The following DNAJC11 variants were observed in gnomAD, a reference collection of about 807,000 sequenced individuals.
The protein encoded by DNAJC11 is DnaJ heat shock protein family (Hsp40) member C11.
Under a neutral mutation model 78.6 loss-of-function variants are expected in DNAJC11, and 15 were observed. The observed-to-expected ratio is 0.19, with a 90% CI of 0.13 to 0.29. DNAJC11 has a LOEUF of 0.29. DNAJC11 is among the 10% of genes least tolerant of loss of function. DNAJC11 has a pLI of 1.00. For synonymous variants in DNAJC11, 292 were observed against 272.1 expected (o/e 1.07, Z -0.72); for missense variants, 547 against 709.6 (o/e 0.77, Z 2.60).
At chr1:6,674,247 A>T (rs1642425327) in intron 3 of DNAJC11, among the ~76,000 whole-genome samples, 1 of 152,150 alleles carries the variant, frequency 6.6e-6, no homozygotes. Context: ...AAAGAATAAC[A>T]GTCTCTAGAA....
rs749879028 is a variant in DNAJC11, at chr1:6,645,990, CAG to C, written c.705-14_705-13del. 5.0e-6 allele frequency: 8 copies of C among 1,613,610 alleles called. No individual in the cohort carries two copies. The South Asian group carries it at 7.7e-5, about 16-fold the overall frequency. On this transcript the variant is annotated splice_polypyrimidine_tract_variant and intron_variant, in intron 7 of 15. Coordinates refer to ENST00000377577, the MANE Select transcript of DNAJC11 (RefSeq NM_018198.4). The surrounding 1 kb of genome is among the most constrained non-coding windows in gnomAD (Gnocchi z 4.1). Reference sequence around the variant, plus strand: ...TTGTTGTCACAAAGCTGGAGAGACACAGAGACAGAATAGGTCCTGGATAGCAC... The same window carrying C: ...TTGTTGTCACAAAGCTGGAGAGACACAGACAGAATAGGTCCTGGATAGCAC...
rs888264761 is a variant in DNAJC11 at position 6,645,377 on chromosome 1, A to G, written c.895-251T>C. Among the ~76,000 whole-genome samples the G allele has an allele frequency of 4.6e-5, 7 of 152,244 alleles. No individual in the cohort carries two copies. The highest frequency in any genetic ancestry group is 1.4e-4 in the African/African-American group (6 of 41,476). ...AAAAAACTCTGGTGACACTGAGCCT[A>G]TGCTCCTAGGTGGCAGCGGCTGGTG... On this transcript the variant is annotated intron_variant, in intron 8 of 15. Coordinates refer to ENST00000377577, the MANE Select transcript of DNAJC11 (RefSeq NM_018198.4). The surrounding 1 kb of genome is among the most constrained non-coding windows in gnomAD (Gnocchi z 4.1).
At chr1:6,698,944 T>C (rs2147889417) in intron 1 of DNAJC11, among the ~76,000 whole-genome samples, 1 of 147,428 alleles carries the variant, frequency 6.8e-6, no homozygotes, top group East Asian at 2.0e-4. Flanking sequence ...TATATATAAA[T>C]ATATATATTT....
intron 10 of DNAJC11, among the ~76,000 whole-genome samples, chr1:6,643,172 C>G (rs963188458): frequency 6.6e-6 from 1 of 151,994 alleles, no homozygotes; most frequent in Admixed American, 6.6e-5. Flanking sequence ...GGGTGCCCCA[C>G]TGATGAGGTG....
intron 2 of DNAJC11, among the ~76,000 whole-genome samples, chr1:6,678,849 A>G (rs1390956399): frequency 6.6e-6 from 1 of 152,070 alleles, no homozygotes; most frequent in African/African-American, 2.4e-5. Flanking sequence ...GGGTCTCACT[A>G]TGTTGCCTAG....
intron 4 of DNAJC11, among the ~76,000 whole-genome samples, chr1:6,661,971 A>C (rs1269480878): frequency 6.6e-6 from 1 of 152,086 alleles, no homozygotes; most frequent in East Asian, 1.9e-4. Flanking sequence ...TCTCTCTGTC[A>C]CCCAGGCTGG....
chr1:6,662,351 G>C (rs1433827177), intron 4 of DNAJC11, among the ~76,000 whole-genome samples: 1 of 151,784 alleles, frequency 6.6e-6, no homozygotes, highest in East Asian at 1.9e-4. Flanking sequence ...CTGCCACCAC[G>C]CCTGGCTAAT....
At chr1:6,649,806 C>G (rs1376838197) in intron 7 of DNAJC11, among the ~76,000 whole-genome samples, 2 of 150,326 alleles carry the variant, frequency 1.3e-5, no homozygotes, top group East Asian at 3.9e-4. Flanking sequence ...CTCCTGGGTT[C>G]AAGAGATCCT....
In DNAJC11 at chr1:6,644,659, C is replaced by G; in HGVS notation, c.996G>C (p.Gly332=). The stretch of plus-strand genomic sequence containing the variant: ...TCTCAGCTCCGTACTCCACCACCGT[C>G]CCAAAGAAGCCTGCTCTGCAGGGAG... ...VKGSLKAGFF[G]TVVEYGAERK... is the part of the protein sequence containing the mutation. The change falls in exon 10 of 16, where the codon GGG becomes GGC. Residue 332 remains glycine, a synonymous_variant. Coordinates refer to ENST00000377577, the MANE Select transcript of DNAJC11 (RefSeq NM_018198.4). 3 of 1,614,146 alleles carry G rather than the reference C, an allele frequency of 1.9e-6. No individual in the cohort carries two copies. Among genetic ancestry groups the G allele is most frequent in the Non-Finnish European group, 2.5e-6 (3 of 1,179,992 alleles).
chr1:6,640,644 C>T (rs771046197), intron 10 of DNAJC11, among the ~76,000 whole-genome samples: 22 of 152,010 alleles, frequency 1.4e-4, no homozygotes, highest in Non-Finnish European at 2.8e-4. Flanking sequence ...CCAGCCTGGC[C>T]AACATGGTGA....
At chr1:6,670,962 C>T (rs988730854) in intron 3 of DNAJC11, 4 of 152,156 alleles carry the variant, frequency 2.6e-5, no homozygotes, top group Non-Finnish European at 5.9e-5. Context: ...TGTAGGTAAT[C>T]AACTATTCCA....
In DNAJC11 at chr1:6,634,619, C is replaced by CT; in HGVS notation, c.*1055dup. Reference sequence around the variant, plus strand: ...GCCCCGAGAGACAGGCCTCACGTAACTTTACTGCAGCCGAGGTCCAGGCCG... The same window carrying CT: ...GCCCCGAGAGACAGGCCTCACGTAACTTTTACTGCAGCCGAGGTCCAGGCCG... On this transcript the variant is annotated 3_prime_UTR_variant, in exon 16 of 16. Transcript: ENST00000377577. The CT allele has an allele frequency of 7.3e-7, 1 of 1,366,476 alleles. No individual in the cohort carries two copies. The highest frequency in any genetic ancestry group is 9.8e-7 in the Non-Finnish European group (1 of 1,021,844). 84.6% of individuals were successfully genotyped at this position (1,366,476 alleles called of 1,614,324 possible). A position where few individuals can be genotyped will look rare whatever the true frequency, so the allele number is the denominator to read the frequency against.
chr1:6,655,210 C>A (rs1642109471), intron 4 of DNAJC11, among the ~76,000 whole-genome samples: 1 of 152,154 alleles, frequency 6.6e-6, no homozygotes, highest in South Asian at 2.1e-4. Context: ...TAAACTCAAT[C>A]AAAAAGTTCC....
chr1:6,680,267 T>C lies in DNAJC11; in HGVS notation c.202+641A>G, dbSNP rs1642532104. Among the ~76,000 whole-genome samples the C allele has an allele frequency of 6.6e-6, 1 of 152,178 alleles. No homozygotes were observed. The highest frequency in any genetic ancestry group is 2.4e-5 in the African/African-American group (1 of 41,446). On this transcript the variant is annotated intron_variant, in intron 2 of 15. Coordinates refer to ENST00000377577, the MANE Select transcript of DNAJC11 (RefSeq NM_018198.4). This position sits in a 1 kb window ranked among gnomAD's most constrained non-coding sequence, Gnocchi z 4.0. Reference sequence around the variant, plus strand: ...AACCATTTTAAAGTATACAATTCAATAGCATGAAGTACATTTACAATGTTG... The same window carrying C: ...AACCATTTTAAAGTATACAATTCAACAGCATGAAGTACATTTACAATGTTG...
intron 4 of DNAJC11, among the ~76,000 whole-genome samples, chr1:6,666,829 C>G (rs557587260): frequency 7.9e-5 from 12 of 152,172 alleles, no homozygotes; most frequent in Non-Finnish European, 1.5e-4. Context: ...GATGGAAGAC[C>G]GGGGAGCTCC....
chr1:6,640,066 A>G lies in DNAJC11; in HGVS notation c.1098-9T>C, dbSNP rs1223859216. 6 of 1,532,242 alleles carry G rather than the reference A, an allele frequency of 3.9e-6. No individual in the cohort carries two copies. The Admixed American group carries it at 9.4e-5, about 24-fold the overall frequency. The allele number at this position is 1,532,242 out of a possible 1,614,324, so 94.9% of individuals were successfully genotyped here. On this transcript the variant is annotated splice_polypyrimidine_tract_variant and intron_variant, in intron 10 of 15. Coordinates refer to ENST00000377577, the MANE Select transcript of DNAJC11 (RefSeq NM_018198.4). Reference sequence around the variant, plus strand: ...GACTGGCCCTGTTGAGCCTGGGGAAAAATACAAAAAAAAAAAAAAAAAAGC... The same window carrying G: ...GACTGGCCCTGTTGAGCCTGGGGAAGAATACAAAAAAAAAAAAAAAAAAGC...
chr1:6,682,528 C>G (rs1319685690), intron 1 of DNAJC11, among the ~76,000 whole-genome samples: 4 of 152,200 alleles, frequency 2.6e-5, no homozygotes, highest in African/African-American at 9.7e-5. Context: ...AGCCCATCTC[C>G]TCAGCCCTAG....
Position 6,664,401 on chromosome 1 carries a change from G to C in DNAJC11, c.378+3308C>G, listed in dbSNP as rs1269765107. ...ACTACAGGCGCCTGCCACCACACCC[G>C]GCTAATTTTTGTATTTTTAGTAGAG... On this transcript the variant is annotated intron_variant, in intron 4 of 15. Coordinates refer to ENST00000377577, the MANE Select transcript of DNAJC11 (RefSeq NM_018198.4). Among the ~76,000 whole-genome samples, 4 of 152,024 alleles carry C rather than the reference G, an allele frequency of 2.6e-5. No individual in the cohort carries two copies. In the East Asian group the frequency reaches 7.7e-4, roughly 29 times the overall value.
At chr1:6,701,625 ACCCGAGCCT>A in intron 1 of DNAJC11, 95 bp downstream of exon 1, 2 of 1,253,074 alleles carry the variant, frequency 1.6e-6, no homozygotes, top group Non-Finnish European at 2.1e-6. Context: ...TCCCCGACGG[ACCCGAGCCT>A]CCCGTGGCGG....
Sources: allele counts gnomAD v4.1 joint callset (sites outside exome capture counted in the v4.1 genomes callset), GRCh38; gene constraint gnomAD v4.1.1; non-coding constraint Gnocchi (gnomAD v3.1); transcripts MANE v1.5; gene names NCBI Gene and HGNC (gene_info 2026-07-23, HGNC 2026-07-21).